Variants in CHIC1 observed in about 807,000 individuals in gnomAD.
CHIC1 encodes cysteine rich hydrophobic domain 1.
In CHIC1, 7 loss-of-function variants were observed where a neutral mutation model predicts 18.5. The observed-to-expected ratio is 0.38, with a 90% CI of 0.22 to 0.71. The LOEUF (loss-of-function observed/expected upper bound fraction) is 0.71. Ranked by LOEUF, CHIC1 falls within the 30% of genes least tolerant of loss-of-function variation. The pLI is 0.49. For missense variants in CHIC1, 159 were observed against 176.9 expected (o/e 0.90, Z 0.57); for synonymous variants, 77 against 73.5 (o/e 1.05, Z -0.25).
chrX:73,677,045 C>T (rs1457921430), intron 3 of CHIC1, among the ~76,000 whole-genome samples: 2 of 111,360 alleles, frequency 1.8e-5, no homozygotes, highest in African/African-American at 6.5e-5. Flanking sequence ...TGCAGAACAG[C>T]GGATGTTGGT....
chrX:73,671,064 A>T (rs1479774779), intron 3 of CHIC1, among the ~76,000 whole-genome samples: 5 of 111,672 alleles, frequency 4.5e-5, no homozygotes, highest in African/African-American at 1.3e-4. Flanking sequence ...TTTGTTTTTT[A>T]AGTGCAGTTT....
At chrX:73,657,492 A>G (rs1335492277) in intron 3 of CHIC1, among the ~76,000 whole-genome samples, 1 of 112,235 alleles carries the variant, frequency 8.9e-6, no homozygotes. Context: ...ACTTTCCTGA[A>G]GTTGCTTATC....
chrX:73,600,980 G>T (rs1401110440), intron 3 of CHIC1, among the ~76,000 whole-genome samples: 12 of 107,899 alleles, frequency 1.1e-4, no homozygotes, highest in Non-Finnish European at 3.8e-5. Context: ...TACATAATGG[G>T]AAAGGGATCA....
At chrX:73,677,785 G>A (rs759016333) in intron 3 of CHIC1, among the ~76,000 whole-genome samples, 71 of 111,981 alleles carry the variant, frequency 6.3e-4, no homozygotes, top group African/African-American at 2.0e-3. Context: ...AGATGAACCC[G>A]GTACCTTAGT....
chrX:73,586,094 A>G (rs1201666206), intron 3 of CHIC1, among the ~76,000 whole-genome samples: 1 of 111,731 alleles, frequency 9.0e-6, no homozygotes, highest in Admixed American at 9.6e-5. Flanking sequence ...TAAACATTGT[A>G]ATATTTAAAA....
chrX:73,665,531 A>G (rs769990265), intron 3 of CHIC1, among the ~76,000 whole-genome samples: 1 of 111,516 alleles, frequency 9.0e-6, no homozygotes, highest in Non-Finnish European at 1.9e-5. Flanking sequence ...CAATACTTTT[A>G]TATACTGTTG....
At chrX:73,593,678 C>T (rs1569501200) in intron 3 of CHIC1, among the ~76,000 whole-genome samples, 1 of 111,705 alleles carries the variant, frequency 9.0e-6, no homozygotes, top group African/African-American at 3.2e-5. Flanking sequence ...ATCTCTGAAA[C>T]TCTTTCTTGA....
intron 3 of CHIC1, among the ~76,000 whole-genome samples, chrX:73,617,672 T>A (rs2057739097): frequency 9.0e-6 from 1 of 111,380 alleles, no homozygotes; most frequent in African/African-American, 3.3e-5. Context: ...TTTCCCCTTA[T>A]AAAACCATCA....
chrX:73,605,414 A>G (rs1186486375), intron 3 of CHIC1, among the ~76,000 whole-genome samples: 2 of 107,992 alleles, frequency 1.9e-5, no homozygotes, highest in African/African-American at 3.6e-5. Flanking sequence ...TCTTCTGAAT[A>G]CAGCACATGG....
chrX:73,626,458 A>G (rs2057783966), intron 3 of CHIC1, among the ~76,000 whole-genome samples: 1 of 110,662 alleles, frequency 9.0e-6, no homozygotes, highest in African/African-American at 3.3e-5. Flanking sequence ...TATTTTCTAG[A>G]TCCTGTTGGC....
chrX:73,566,130 T>C (rs1352741756), intron 1 of CHIC1, among the ~76,000 whole-genome samples: 21 of 110,355 alleles, frequency 1.9e-4, no homozygotes, highest in Admixed American at 9.8e-5. Context: ...CCCAGAATTA[T>C]ATCATCATAG....
chrX:73,671,786 G>A (rs1316855842), intron 3 of CHIC1, among the ~76,000 whole-genome samples: 2 of 97,491 alleles, frequency 2.1e-5, no homozygotes, highest in African/African-American at 7.5e-5. Flanking sequence ...TATTATTATT[G>A]TACTTTAAGT....
intron 3 of CHIC1, among the ~76,000 whole-genome samples, chrX:73,647,206 C>T (rs766082585): frequency 8.0e-5 from 9 of 112,027 alleles, no homozygotes; most frequent in Non-Finnish European, 1.1e-4. Context: ...CTTATAAATC[C>T]ATGCCACCAG....
At chrX:73,674,283 G>A (rs1160175240) in intron 3 of CHIC1, among the ~76,000 whole-genome samples, 4 of 111,775 alleles carry the variant, frequency 3.6e-5, no homozygotes, top group Non-Finnish European at 7.5e-5. Context: ...TTTTTCTATT[G>A]ATTGGAATAG....
chrX:73,604,564 T>A (rs2057669716), intron 3 of CHIC1, among the ~76,000 whole-genome samples: 1 of 108,712 alleles, frequency 9.2e-6, no homozygotes, highest in South Asian at 3.7e-4. Context: ...ATTTGTTTGC[T>A]CTTGTTTCTG....
At chrX:73,613,474 A>G (rs1298970310) in intron 3 of CHIC1, among the ~76,000 whole-genome samples, 1 of 111,162 alleles carries the variant, frequency 9.0e-6, no homozygotes, top group Non-Finnish European at 1.9e-5. Context: ...TGATTTGTGC[A>G]CATGCTGGCT....
At chrX:73,641,536 C>CT in intron 3 of CHIC1, among the ~76,000 whole-genome samples, 1 of 110,767 alleles carries the variant, frequency 9.0e-6, no homozygotes, top group East Asian at 2.8e-4. Flanking sequence ...TATTATTATA[C>CT]TTTAAGTTTT....
At chrX:73,569,603 CCT>C (rs1405085034) in intron 1 of CHIC1, among the ~76,000 whole-genome samples, 3 of 111,441 alleles carry the variant, frequency 2.7e-5, no homozygotes, top group Admixed American at 9.5e-5. Flanking sequence ...GTTTGTCTAG[CCT>C]CTCTGGACTC....
In CHIC1 at chrX:73,686,946, C is replaced by T. The variant is rs2049707953; in HGVS notation, c.*5941C>T. ...TTTTCTCCCTTGAGTCCAGGAATGA[C>T]TTCCCTGGAAAAACTCAATCTATAT... On this transcript the variant is annotated 3_prime_UTR_variant, in exon 6 of 6. Transcript: ENST00000373502. The T allele has an allele frequency of 1.8e-5, 2 of 111,592 alleles. No homozygotes were observed. The highest frequency in any genetic ancestry group is 3.8e-5 in the Non-Finnish European group (2 of 52,941). 9.2% of individuals were successfully genotyped at this position (111,592 alleles called of 1,213,427 possible). A position where few individuals can be genotyped will look rare whatever the true frequency, so the allele number is the denominator to read the frequency against.
Sources: allele counts gnomAD v4.1 joint callset (sites outside exome capture counted in the v4.1 genomes callset), GRCh38; gene constraint gnomAD v4.1.1; transcripts MANE v1.5; gene names NCBI Gene and HGNC (gene_info 2026-07-23, HGNC 2026-07-21).